Variants in NRG3 observed in about 807,000 individuals in gnomAD.
The protein encoded by NRG3 is neuregulin 3, also known as pro-neuregulin-3, membrane-bound isoform.
In NRG3, 31 loss-of-function variants were observed where a neutral mutation model predicts 66.9. The observed-to-expected ratio is 0.46, with a 90% CI of 0.35 to 0.63. The LOEUF (loss-of-function observed/expected upper bound fraction) is 0.63, where lower values mean the gene tolerates loss of function less well. NRG3 is among the 20% of genes least tolerant of loss of function. The pLI is 0.00. For missense variants in NRG3, 910 were observed against 878.9 expected, an observed-to-expected ratio of 1.04 and a Z score of -0.45; for synonymous variants, 393 against 359.4, an observed-to-expected ratio of 1.09 and a Z score of -1.06.
intron 3 of NRG3, among the ~76,000 whole-genome samples, chr10:82,760,531 A>G (rs1345994124): frequency 6.6e-6 from 1 of 152,154 alleles, no homozygotes; most frequent in Non-Finnish European, 1.5e-5. Context: ...AAGGCAAAGT[A>G]CCACTATCGT....
intron 1 of NRG3, among the ~76,000 whole-genome samples, chr10:82,259,996 T>C (rs1479545283): frequency 6.6e-6 from 1 of 152,140 alleles, no homozygotes; most frequent in Non-Finnish European, 1.5e-5. Context: ...ATAAATGTTA[T>C]TCAGGCTGCA....
At chr10:82,512,405 C>T (rs1845271482) in intron 2 of NRG3, among the ~76,000 whole-genome samples, 1 of 151,980 alleles carries the variant, frequency 6.6e-6, no homozygotes, top group African/African-American at 2.4e-5. Flanking sequence ...CCTACCTCAG[C>T]CTCCCAAGTA....
intron 3 of NRG3, among the ~76,000 whole-genome samples, chr10:82,805,613 G>T (rs2061245792): frequency 6.6e-6 from 1 of 152,118 alleles, no homozygotes; most frequent in African/African-American, 2.4e-5. Flanking sequence ...CTGCTGGAAG[G>T]TGGGGAGGTG....
At chr10:82,047,437 G>A (rs2133085663) in intron 1 of NRG3, among the ~76,000 whole-genome samples, 1 of 152,144 alleles carries the variant, frequency 6.6e-6, no homozygotes, top group East Asian at 1.9e-4. Context: ...GAGAGTGGGG[G>A]ACAATATTCA....
chr10:82,901,830 G>T (rs1268454686), intron 4 of NRG3, among the ~76,000 whole-genome samples: 1 of 152,132 alleles, frequency 6.6e-6, no homozygotes, highest in African/African-American at 2.4e-5. Context: ...CAATCCTCCT[G>T]GTTTGGAAGA....
At chr10:82,173,703 ACG>A (rs936560760) in intron 1 of NRG3, among the ~76,000 whole-genome samples, 2 of 150,998 alleles carry the variant, frequency 1.3e-5, no homozygotes, top group East Asian at 2.0e-4. Flanking sequence ...ACACACACAC[ACG>A]CATGAAAAGA....
intron 1 of NRG3, among the ~76,000 whole-genome samples, chr10:82,257,166 A>G (rs2077773946): frequency 1.3e-5 from 2 of 152,184 alleles, no homozygotes; most frequent in African/African-American, 4.8e-5. Context: ...CCTGAATGCC[A>G]AAAAGTATTT....
intron 1 of NRG3, among the ~76,000 whole-genome samples, chr10:82,288,297 T>TAAGAA (rs1417706628): frequency 3.3e-4 from 51 of 152,352 alleles, no homozygotes; most frequent in African/African-American, 1.1e-3. Flanking sequence ...TGAGTGGCTA[T>TAAGAA]TATAATTCTT....
intron 1 of NRG3, among the ~76,000 whole-genome samples, chr10:81,986,861 T>G (rs2060540032): frequency 6.6e-6 from 1 of 152,074 alleles, no homozygotes; most frequent in Non-Finnish European, 1.5e-5. Flanking sequence ...ATTTTATAAT[T>G]TGTAGAGACA....
At chr10:82,976,186 G>C (rs1315302624) in intron 7 of NRG3, among the ~76,000 whole-genome samples, 1 of 152,076 alleles carries the variant, frequency 6.6e-6, no homozygotes, top group Non-Finnish European at 1.5e-5. Context: ...CGTCTGAGTA[G>C]CTGGGACTAC....
intron 1 of NRG3, among the ~76,000 whole-genome samples, chr10:82,065,856 A>T (rs185792740): frequency 6.6e-6 from 1 of 152,188 alleles, no homozygotes; most frequent in Non-Finnish European, 1.5e-5. Context: ...AAGAATTTGT[A>T]TATCCCAACT....
chr10:82,943,634 A>T (rs1848758780), intron 4 of NRG3, among the ~76,000 whole-genome samples: 1 of 152,202 alleles, frequency 6.6e-6, no homozygotes, highest in African/African-American at 2.4e-5. Flanking sequence ...GGATCCCAGA[A>T]GATGGGATGG....
At chr10:82,694,983 A>G (rs2134235204) in intron 2 of NRG3, among the ~76,000 whole-genome samples, 1 of 152,298 alleles carries the variant, frequency 6.6e-6, no homozygotes, top group South Asian at 2.1e-4. Flanking sequence ...TAAGGCAGCC[A>G]TTTTAAGGCA....
chr10:82,649,459 C>CTTTTTTTTTTTTTT (rs71469930), intron 2 of NRG3, among the ~76,000 whole-genome samples: 2 of 48,794 alleles, frequency 4.1e-5, no homozygotes, highest in African/African-American at 1.3e-4. Flanking sequence ...CTGGTGCAGG[C>CTTTTTTTTTTTTTT]TTTTTTTTTT....
intron 1 of NRG3, among the ~76,000 whole-genome samples, chr10:82,037,592 C>A (rs1020124432): frequency 6.6e-6 from 1 of 152,204 alleles, no homozygotes; most frequent in East Asian, 1.9e-4. Context: ...AACTCATGGT[C>A]TTTTAAACAG....
chr10:82,195,994 T>G (rs548711549), intron 1 of NRG3, among the ~76,000 whole-genome samples: 5 of 152,150 alleles, frequency 3.3e-5, no homozygotes, highest in Non-Finnish European at 1.5e-5. Flanking sequence ...GTTTCAGATG[T>G]CTGACCTGCA....
chr10:82,832,836 T>TGTGTG (rs1363110281), intron 3 of NRG3, among the ~76,000 whole-genome samples: 4 of 121,770 alleles, frequency 3.3e-5, no homozygotes, highest in Non-Finnish European at 5.3e-5. Context: ...GTGTGTGTGT[T>TGTGTG]TCTGAACATC....
At chr10:82,968,087 G>A (rs947320779) in intron 6 of NRG3, among the ~76,000 whole-genome samples, 1 of 152,196 alleles carries the variant, frequency 6.6e-6, no homozygotes, top group African/African-American at 2.4e-5. Flanking sequence ...ATGAATACAA[G>A]AAGACATTTT....
intron 3 of NRG3, among the ~76,000 whole-genome samples, chr10:82,846,873 G>A (rs1163251059): frequency 6.6e-6 from 1 of 152,194 alleles, no homozygotes; most frequent in African/African-American, 2.4e-5. Context: ...TACTATGAGC[G>A]AGATTGTGCT....
Sources: allele counts gnomAD v4.1 joint callset (sites outside exome capture counted in the v4.1 genomes callset), GRCh38; gene constraint gnomAD v4.1.1; transcripts MANE v1.5; gene names NCBI Gene and HGNC (gene_info 2026-07-23, HGNC 2026-07-21).